MYO5B: variants seen among roughly 807,000 people sequenced by gnomAD.
MYO5B encodes unconventional myosin-Vb.
Under a neutral mutation model 229.3 loss-of-function variants are expected in MYO5B, and 143 were observed. The observed-to-expected ratio is 0.62, with a 90% confidence interval of 0.54 to 0.72. MYO5B has a LOEUF of 0.72. MYO5B is among the 30% of genes least tolerant of loss of function. The pLI, the probability that MYO5B is intolerant of heterozygous loss-of-function variation, is 0.00. For synonymous variants in MYO5B, 918 were observed against 885.2 expected, an observed-to-expected ratio of 1.04 and a Z score of -0.66; for missense variants, 2,321 against 2,331.0, an observed-to-expected ratio of 1.00 and a Z score of 0.09.
intron 1 of MYO5B, among the ~76,000 whole-genome samples, chr18:50,144,618 G>T (rs987921020): frequency 6.6e-6 from 1 of 152,166 alleles, no homozygotes; most frequent in Admixed American, 6.5e-5. Flanking sequence ...ACCCCCAAAA[G>T]ACCTTAGGGA....
chr18:49,930,235 T>C (rs1157898185), intron 16 of MYO5B, among the ~76,000 whole-genome samples: 1 of 152,184 alleles, frequency 6.6e-6, no homozygotes, highest in East Asian at 1.9e-4. Flanking sequence ...TGCCTAGCAC[T>C]GCGTAGGGCA....
intron 1 of MYO5B, among the ~76,000 whole-genome samples, chr18:50,077,168 T>TAAAAAAAAAAAAAAAAAAA (rs71169476): frequency 1.2e-5 from 1 of 81,232 alleles, no homozygotes; most frequent in African/African-American, 4.5e-5. Context: ...TGTGGCAAAG[T>TAAAAAAAAAAAAAAAAAAA]AAAAAAAAAA....
rs139516777 is a variant in MYO5B, at chr18:49,904,439, A to G, written c.2571+233T>C. The stretch of plus-strand genomic sequence containing the variant: ...TGAGCCAAATAAACCTCTTTTCTTC[A>G]TAAATCACCCAGCCTCAGATATTGT... On this transcript the variant is annotated intron_variant, in intron 20 of 39. Coordinates refer to ENST00000285039, the MANE Select transcript of MYO5B (RefSeq NM_001080467.3). 1.5e-4 allele frequency among the ~76,000 whole-genome samples: 23 copies of G among 152,354 alleles called. 1 individual carries two copies. The East Asian group carries it at 4.4e-3, about 29-fold the overall frequency.
chr18:50,039,557 TC>T (rs1261060591), intron 3 of MYO5B, among the ~76,000 whole-genome samples: 1 of 152,110 alleles, frequency 6.6e-6, no homozygotes, highest in Non-Finnish European at 1.5e-5. Context: ...GGTCTCAATC[TC>T]CTGACCTCGT....
chr18:49,988,421 T>G (rs548631028), intron 7 of MYO5B, among the ~76,000 whole-genome samples: 2 of 152,188 alleles, frequency 1.3e-5, no homozygotes, highest in African/African-American at 4.8e-5. Flanking sequence ...AAAAAAATAC[T>G]GATCAAATTG....
chr18:49,937,533 C>CA lies in MYO5B; in HGVS notation c.1753-137dup. 4 of 1,028,898 alleles carry CA rather than the reference C, an allele frequency of 3.9e-6. No homozygotes were observed. The African/African-American group carries it at 4.8e-5, about 12-fold the overall frequency. 63.7% of individuals were successfully genotyped at this position (1,028,898 alleles called of 1,614,324 possible). On this transcript the variant is annotated intron_variant, in intron 14 of 39. Coordinates refer to ENST00000285039, the MANE Select transcript of MYO5B (RefSeq NM_001080467.3). ...GCCAAAACCCACACACCAACCTGCACAGCAGCGTTACTCCCAAAAGCGCCA... is the reference window on the plus strand; with the variant it reads ...GCCAAAACCCACACACCAACCTGCACAAGCAGCGTTACTCCCAAAAGCGCCA...
intron 1 of MYO5B, among the ~76,000 whole-genome samples, chr18:50,117,525 T>C (rs73959880): frequency 6.6e-6 from 1 of 152,212 alleles, no homozygotes; most frequent in African/African-American, 2.4e-5. Context: ...CCTTTCTCCC[T>C]GGGAGTCTTT....
At chr18:49,960,079 A>G (rs751127936) in intron 12 of MYO5B, among the ~76,000 whole-genome samples, 1 of 151,014 alleles carries the variant, frequency 6.6e-6, no homozygotes, top group Non-Finnish European at 1.5e-5. Flanking sequence ...CTCCCTGCAC[A>G]CTCCCCCTTT....
At chr18:50,016,048 A>G (rs1259222338) in intron 4 of MYO5B, among the ~76,000 whole-genome samples, 1 of 152,186 alleles carries the variant, frequency 6.6e-6, no homozygotes, top group Non-Finnish European at 1.5e-5. Flanking sequence ...CAGATTCCCA[A>G]CTGGTAGAGA....
Position 50,055,263 on chromosome 18 carries a change from C to T in MYO5B, c.138+5G>A. 6.9e-7 allele frequency: 1 copy of T among 1,440,810 alleles called. No homozygotes were observed. Among genetic ancestry groups the T allele is most frequent in the South Asian group, 1.1e-5 (1 of 87,708 alleles). 89.3% of individuals were successfully genotyped at this position (1,440,810 alleles called of 1,614,324 possible). Reference sequence around the variant, plus strand: ...CCCGCCCCCCTGCCCCGGACTCACTCTTACCGTTTCATCCTCCAGTCTGAG... The same window carrying T: ...CCCGCCCCCCTGCCCCGGACTCACTTTTACCGTTTCATCCTCCAGTCTGAG... On this transcript the variant is annotated splice_donor_5th_base_variant and intron_variant, in intron 2 of 39. Coordinates refer to ENST00000285039, the MANE Select transcript of MYO5B (RefSeq NM_001080467.3).
intron 7 of MYO5B, among the ~76,000 whole-genome samples, chr18:49,986,800 A>G (rs908386188): frequency 6.6e-6 from 1 of 152,024 alleles, no homozygotes; most frequent in Non-Finnish European, 1.5e-5. Context: ...TATATTATTT[A>G]CTCCCATTTT....
intron 10 of MYO5B, among the ~76,000 whole-genome samples, chr18:49,967,040 A>C (rs187312000): frequency 7.0e-4 from 107 of 152,364 alleles, no homozygotes; most frequent in African/African-American, 2.3e-3. Context: ...TTATATGCTA[A>C]AGAGAACTGA....
At chr18:50,101,634 T>A (rs2031656926) in intron 1 of MYO5B, among the ~76,000 whole-genome samples, 1 of 151,740 alleles carries the variant, frequency 6.6e-6, no homozygotes, top group Non-Finnish European at 1.5e-5. Flanking sequence ...CCAACAAACA[T>A]AAAAAAGGCT....
chr18:49,854,900 C>T (rs2144063232), intron 30 of MYO5B, among the ~76,000 whole-genome samples: 1 of 152,270 alleles, frequency 6.6e-6, no homozygotes, highest in East Asian at 1.9e-4. Context: ...AGCTCCATAG[C>T]AGCACTGGGT....
intron 14 of MYO5B, among the ~76,000 whole-genome samples, chr18:49,952,919 A>G (rs1197449490): frequency 6.6e-6 from 1 of 151,432 alleles, no homozygotes. Context: ...CACCAGCCAC[A>G]TTTCCATCAC....
chr18:49,908,082 G>C (rs531933764), intron 18 of MYO5B, among the ~76,000 whole-genome samples: 1 of 152,354 alleles, frequency 6.6e-6, no homozygotes, highest in African/African-American at 2.4e-5. Context: ...AGCTTAAGCA[G>C]AGCCAGAGGC....
chr18:50,112,592 A>T (rs1483110120), intron 1 of MYO5B, among the ~76,000 whole-genome samples: 1 of 152,172 alleles, frequency 6.6e-6, no homozygotes, highest in Non-Finnish European at 1.5e-5. Flanking sequence ...GTTATGCCCC[A>T]CGAAAAACCT....
intron 1 of MYO5B, among the ~76,000 whole-genome samples, chr18:50,068,967 G>A (rs750154830): frequency 1.3e-5 from 2 of 151,956 alleles, no homozygotes. Context: ...CAACAGATAG[G>A]CCTCTCTCTA....
chr18:49,991,661 C>A (rs2025933938), intron 6 of MYO5B, among the ~76,000 whole-genome samples: 1 of 152,036 alleles, frequency 6.6e-6, no homozygotes, highest in South Asian at 2.1e-4. Flanking sequence ...ACATCAAACA[C>A]CGGGGCCTGT....
Sources: allele counts gnomAD v4.1 joint callset (sites outside exome capture counted in the v4.1 genomes callset), GRCh38; gene constraint gnomAD v4.1.1; transcripts MANE v1.5; gene names NCBI Gene and HGNC (gene_info 2026-07-23, HGNC 2026-07-21).